SYT16: variants seen among roughly 807,000 people sequenced by gnomAD.
The protein encoded by SYT16 is synaptotagmin 16, also known as synaptotagmin-16.
A neutral mutation model predicts 61.4 loss-of-function variants in SYT16; 42 were observed. The ratio of observed to expected loss-of-function variants is 0.68; its 90% CI spans 0.53 to 0.89. The LOEUF (loss-of-function observed/expected upper bound fraction) is 0.89, where lower values mean the gene tolerates loss of function less well. Among genes scored for constraint, SYT16 ranks in the 40% least tolerant of loss-of-function variants. SYT16 has a pLI of 0.00. For synonymous variants in SYT16, 314 were observed against 302.3 expected (o/e 1.04, Z -0.40); for missense variants, 804 against 807.3 (o/e 1.00, Z 0.05).
At chr14:61,968,524 G>C (rs1306186295) in intron 1 of SYT16, among the ~76,000 whole-genome samples, 3 of 152,052 alleles carry the variant, frequency 2.0e-5, no homozygotes, top group African/African-American at 7.2e-5. Flanking sequence ...CAAAGCAGCT[G>C]GTCCATCCCA....
chr14:61,884,787 C>T (rs940288646), intron 1 of SYT16, among the ~76,000 whole-genome samples: 1 of 152,102 alleles, frequency 6.6e-6, no homozygotes, highest in Non-Finnish European at 1.5e-5. Flanking sequence ...CATGCAGTGT[C>T]AAGATCTGTT....
intron 3 of SYT16, among the ~76,000 whole-genome samples, chr14:62,021,000 G>T (rs142864146): frequency 6.6e-6 from 1 of 151,994 alleles, no homozygotes; most frequent in Admixed American, 6.6e-5. Flanking sequence ...TCTCTATGTC[G>T]GTGCCCTGCT....
intron 5 of SYT16, among the ~76,000 whole-genome samples, chr14:62,078,362 T>G (rs1364207269): frequency 2.0e-5 from 3 of 152,116 alleles, no homozygotes; most frequent in Non-Finnish European, 4.4e-5. Context: ...GTCTGGGAAT[T>G]TGATCTGGGC....
chr14:61,983,341 TAATG>T lies in SYT16; in HGVS notation c.-144-12534_-144-12531del, dbSNP rs567202668. ...ACCTTATTCATAAAAGCTCTCATAATAATGGCAAGCTTGTGTTATTTTGGGCACT... is the reference window on the plus strand; with the variant it reads ...ACCTTATTCATAAAAGCTCTCATAATGCAAGCTTGTGTTATTTTGGGCACT... On this transcript the variant is annotated intron_variant, in intron 2 of 7. Transcript: ENST00000683842. Among the ~76,000 whole-genome samples, 10 of 152,332 alleles carry T rather than the reference TAATG, an allele frequency of 6.6e-5. No homozygotes were observed. The East Asian group carries it at 1.9e-3, about 29-fold the overall frequency.
chr14:62,018,386 C>T (rs940745637), intron 3 of SYT16, among the ~76,000 whole-genome samples: 2 of 142,312 alleles, frequency 1.4e-5, no homozygotes, highest in African/African-American at 2.6e-5. Flanking sequence ...CAGCTCACTG[C>T]AACCTCCGCC....
In SYT16 at chr14:62,096,765, A is replaced by C. The variant is rs984680631; in HGVS notation, c.1625-3629A>C. ...TTGTTGAGAAAAGAAGTTGGACAGG[A>C]TCCCAAAGAGGGAGACTAAAGGATC... is the stretch of plus-strand genomic sequence containing the variant. On this transcript the variant is annotated intron_variant, in intron 7 of 7. Coordinates refer to ENST00000683842, the MANE Select transcript of SYT16 (RefSeq NM_001367656.1). Among the ~76,000 whole-genome samples the C allele has an allele frequency of 9.9e-5, 15 of 152,182 alleles. 2 individuals carry two copies. Among genetic ancestry groups the C allele is most frequent in the Admixed American group, 8.5e-4 (13 of 15,272 alleles).
chr14:61,849,854 G>A (rs533433097), intron 1 of SYT16, among the ~76,000 whole-genome samples: 3 of 152,290 alleles, frequency 2.0e-5, no homozygotes, highest in African/African-American at 7.2e-5. Context: ...TGATGTTCCT[G>A]AAGGGAGGAT....
chr14:61,996,405 A>G lies in SYT16; in HGVS notation c.386A>G (p.Asp129Gly). 1 of 1,613,548 alleles carries G rather than the reference A, an allele frequency of 6.2e-7. No individual in the cohort carries two copies. The highest frequency in any genetic ancestry group is 8.5e-7 in the Non-Finnish European group (1 of 1,179,590). Residue 129 changes from aspartate to glycine, a missense_variant, in exon 3 of 8, where the codon GAT (aspartate) becomes GGT (glycine). Physicochemically the swap from Asp to Gly is moderately conservative, Grantham distance 94. Coordinates refer to ENST00000683842, the MANE Select transcript of SYT16 (RefSeq NM_001367656.1). Reference sequence around the variant, plus strand: ...TCCCAGTGGCCCAATTGGGCCAGTGATGACCGCAAGTTACCACATGTGCTT... The same window carrying G: ...TCCCAGTGGCCCAATTGGGCCAGTGGTGACCGCAAGTTACCACATGTGCTT... The part of the protein sequence containing the change: ...TMSQWPNWAS[D>G]DRKLPHVLSS...
intron 1 of SYT16, among the ~76,000 whole-genome samples, chr14:61,834,427 G>GTTTTTT (rs2044336558): frequency 8.0e-6 from 1 of 124,982 alleles, no homozygotes; most frequent in African/African-American, 3.9e-5. Flanking sequence ...ACCGTGCCTG[G>GTTTTTT]CTTTTTTTTT....
chr14:61,937,644 A>G (rs1057331154), intron 1 of SYT16, among the ~76,000 whole-genome samples: 2 of 152,138 alleles, frequency 1.3e-5, no homozygotes, highest in Non-Finnish European at 2.9e-5. Context: ...AGATCTGGAG[A>G]GTGTTGGGAC....
intron 1 of SYT16, among the ~76,000 whole-genome samples, chr14:61,924,231 G>T (rs2049449289): frequency 6.6e-6 from 1 of 152,182 alleles, no homozygotes; most frequent in Non-Finnish European, 1.5e-5. Flanking sequence ...TATTTATTGA[G>T]ATTATTAAAC....
chr14:62,069,642 C>T lies in SYT16; in HGVS notation c.563C>T (p.Ser188Phe), dbSNP rs1298752756. ...GATGACGAAGAGCTGTCCACATCTT[C>T]TGACAGTGACGAGGAGGTGATCAAA... ...FGDDEELSTS[S>F]DSDEEVIKQF... Residue 188 changes from serine (S) to phenylalanine (F), a missense_variant, in exon 4 of 8, where the codon TCT (serine) becomes TTT (phenylalanine). Coordinates refer to ENST00000683842, the MANE Select transcript of SYT16 (RefSeq NM_001367656.1). 6.2e-7 allele frequency: 1 copy of T among 1,613,876 alleles called. No homozygotes were observed. The highest frequency in any genetic ancestry group is 8.5e-7 in the Non-Finnish European group (1 of 1,179,888).
intron 3 of SYT16, among the ~76,000 whole-genome samples, chr14:61,999,116 T>G (rs2052888321): frequency 6.6e-6 from 1 of 151,786 alleles, no homozygotes. Context: ...TCTTGCAATA[T>G]CTTTGGTTCT....
intron 3 of SYT16, among the ~76,000 whole-genome samples, chr14:62,052,299 A>G (rs2055341446): frequency 6.6e-6 from 1 of 152,170 alleles, no homozygotes; most frequent in South Asian, 2.1e-4. Flanking sequence ...TAAATATTTT[A>G]TCATTCCAAT....
intron 1 of SYT16, among the ~76,000 whole-genome samples, chr14:61,888,289 T>C (rs901841730): frequency 6.6e-6 from 1 of 152,128 alleles, no homozygotes; most frequent in African/African-American, 2.4e-5. Flanking sequence ...GGCTAATTTT[T>C]ATATTTTTAG....
chr14:61,864,470 A>AC (rs1238992102), intron 1 of SYT16, among the ~76,000 whole-genome samples: 1 of 152,238 alleles, frequency 6.6e-6, no homozygotes, highest in East Asian at 1.9e-4. Context: ...TCCGCTGTCC[A>AC]CTGGCGCAGT....
At chr14:62,000,099 ATTTTTTTTTT>A in intron 3 of SYT16, among the ~76,000 whole-genome samples, 8 of 18,958 alleles carry the variant, frequency 4.2e-4, no homozygotes, top group South Asian at 2.5e-3. Flanking sequence ...TTGTCTCTCG[ATTTTTTTTTT>A]TTTTTTTTTT....
At chr14:61,838,298 G>A (rs1005161684) in intron 1 of SYT16, among the ~76,000 whole-genome samples, 1 of 152,142 alleles carries the variant, frequency 6.6e-6, no homozygotes, top group South Asian at 2.1e-4. Context: ...CTGGTACAGT[G>A]CCATAAATTT....
At chr14:61,920,207 T>C (rs1459047701) in intron 1 of SYT16, among the ~76,000 whole-genome samples, 1 of 152,192 alleles carries the variant, frequency 6.6e-6, no homozygotes, top group African/African-American at 2.4e-5. Flanking sequence ...CTTTGCTGTT[T>C]CCCTTCTTGA....
Sources: allele counts gnomAD v4.1 joint callset (sites outside exome capture counted in the v4.1 genomes callset), GRCh38; gene constraint gnomAD v4.1.1; transcripts MANE v1.5; gene names NCBI Gene and HGNC (gene_info 2026-07-23, HGNC 2026-07-21).